Variants in SYNDIG1 observed in about 807,000 individuals in gnomAD.
SYNDIG1 encodes the protein synapse differentiation-inducing gene protein 1.
In SYNDIG1, 9 loss-of-function variants were observed where a neutral mutation model predicts 19.4. The ratio of observed to expected loss-of-function variants is 0.46; its 90% CI spans 0.28 to 0.81. The LOEUF (loss-of-function observed/expected upper bound fraction) is 0.81. Among genes scored for constraint, SYNDIG1 ranks in the 30% least tolerant of loss-of-function variants. The probability of loss-of-function intolerance (pLI) is 0.12; values close to 1 mark genes in which losing one functional copy is unlikely to be tolerated. For missense variants in SYNDIG1, 311 were observed against 343.3 expected, an observed-to-expected ratio of 0.91 and a Z score of 0.74; for synonymous variants, 141 against 145.9, an observed-to-expected ratio of 0.97 and a Z score of 0.24.
chr20:24,591,774 T>A (rs2058515449), intron 3 of SYNDIG1, among the ~76,000 whole-genome samples: 1 of 152,204 alleles, frequency 6.6e-6, no homozygotes, highest in African/African-American at 2.4e-5. Flanking sequence ...CAGGTCATGC[T>A]TCCAAGGGTA....
intron 1 of SYNDIG1, among the ~76,000 whole-genome samples, chr20:24,474,409 C>T (rs748684567): frequency 1.3e-5 from 2 of 151,966 alleles, no homozygotes; most frequent in Admixed American, 6.6e-5. Context: ...ACTGCTAGAA[C>T]CAAAAATAAC....
chr20:24,636,402 G>A (rs2059316508), intron 3 of SYNDIG1, among the ~76,000 whole-genome samples: 1 of 152,198 alleles, frequency 6.6e-6, no homozygotes, highest in African/African-American at 2.4e-5. Context: ...AGAGAGAGGG[G>A]CACCTGAGTG....
chr20:24,541,343 A>G (rs1407178284), intron 1 of SYNDIG1, among the ~76,000 whole-genome samples: 2 of 152,060 alleles, frequency 1.3e-5, no homozygotes, highest in South Asian at 2.1e-4. Context: ...CAACCCCTCA[A>G]TTTTCCCACT....
At chr20:24,523,299 G>T (rs2057045829) in intron 1 of SYNDIG1, among the ~76,000 whole-genome samples, 1 of 152,206 alleles carries the variant, frequency 6.6e-6, no homozygotes, top group African/African-American at 2.4e-5. Context: ...AATTAAACAG[G>T]ATAGTCCTTA....
chr20:24,649,092 A>G lies in SYNDIG1; in HGVS notation c.619-16254A>G, dbSNP rs143097736. On this transcript the variant is annotated intron_variant, in intron 3 of 3. Coordinates refer to ENST00000376862, the MANE Select transcript of SYNDIG1 (RefSeq NM_024893.3). ...CATGAATGCAAAGTTCTGTGAAAGC[A>G]TGGTGCAGGGAAGCATGACCTGAAC... 2.6e-3 allele frequency among the ~76,000 whole-genome samples: 396 copies of G among 152,308 alleles called. 1 individual carries two copies. The highest frequency in any genetic ancestry group is 9.0e-3 in the African/African-American group (374 of 41,578).
intron 1 of SYNDIG1, among the ~76,000 whole-genome samples, chr20:24,520,162 C>A (rs1041556748): frequency 3.3e-5 from 5 of 151,848 alleles, no homozygotes; most frequent in African/African-American, 1.2e-4. Flanking sequence ...ATAGGTAAAT[C>A]TAAATGAATA....
chr20:24,644,337 G>A (rs1355224369), intron 3 of SYNDIG1, among the ~76,000 whole-genome samples: 1 of 152,254 alleles, frequency 6.6e-6, no homozygotes, highest in Non-Finnish European at 1.5e-5. Flanking sequence ...GATGGCCACA[G>A]CATTTCCTAG....
chr20:24,575,806 A>G (rs2058218207), intron 2 of SYNDIG1, among the ~76,000 whole-genome samples: 2 of 152,196 alleles, frequency 1.3e-5, no homozygotes, highest in South Asian at 4.1e-4. Context: ...TTTGAGCATT[A>G]TACATTAATT....
At chr20:24,503,956 G>GA (rs2056521206) in intron 1 of SYNDIG1, among the ~76,000 whole-genome samples, 1 of 125,292 alleles carries the variant, frequency 8.0e-6, no homozygotes. Flanking sequence ...GGGAGAGCAG[G>GA]TTTTTTTTTT....
At chr20:24,626,599 G>A (rs1044806265) in intron 3 of SYNDIG1, among the ~76,000 whole-genome samples, 3 of 151,898 alleles carry the variant, frequency 2.0e-5, no homozygotes, top group Non-Finnish European at 4.4e-5. Flanking sequence ...AGACTGGGCA[G>A]CCAGGCAGAG....
At chr20:24,499,496 A>G (rs2056389053) in intron 1 of SYNDIG1, among the ~76,000 whole-genome samples, 1 of 152,230 alleles carries the variant, frequency 6.6e-6, no homozygotes, top group Non-Finnish European at 1.5e-5. Flanking sequence ...TACCCAGGCA[A>G]GGCTGCACTG....
intron 3 of SYNDIG1, among the ~76,000 whole-genome samples, chr20:24,661,584 AG>A (rs2059603680): frequency 1.3e-5 from 1 of 76,122 alleles, no homozygotes; most frequent in African/African-American, 5.1e-5. Context: ...GGGAGGAGGG[AG>A]ATGGGAATAA....
chr20:24,641,083 C>A (rs2059371648), intron 3 of SYNDIG1, among the ~76,000 whole-genome samples: 1 of 152,238 alleles, frequency 6.6e-6, no homozygotes, highest in Admixed American at 6.5e-5. Context: ...ATATTGATGA[C>A]AGTAGTTTCT....
chr20:24,563,601 A>C (rs2057985859), intron 2 of SYNDIG1, among the ~76,000 whole-genome samples: 2 of 152,034 alleles, frequency 1.3e-5, no homozygotes, highest in Non-Finnish European at 2.9e-5. Flanking sequence ...ATAAACTCCT[A>C]ATTAAATTTA....
At chr20:24,473,906 G>A (rs977077058) in intron 1 of SYNDIG1, among the ~76,000 whole-genome samples, 4 of 152,186 alleles carry the variant, frequency 2.6e-5, no homozygotes, top group Non-Finnish European at 5.9e-5. Flanking sequence ...TCAGAAAAGT[G>A]ACGTGGTTTG....
At chr20:24,583,627 C>G (rs1015075562) in intron 2 of SYNDIG1, among the ~76,000 whole-genome samples, 2 of 152,186 alleles carry the variant, frequency 1.3e-5, no homozygotes, top group Non-Finnish European at 2.9e-5. Context: ...GAATGACAGA[C>G]AGGAGGCACC....
intron 3 of SYNDIG1, among the ~76,000 whole-genome samples, chr20:24,622,637 G>A (rs1010634186): frequency 1.3e-5 from 2 of 152,150 alleles, no homozygotes; most frequent in Non-Finnish European, 2.9e-5. Flanking sequence ...GACCTGAGAT[G>A]GAACAGTTTC....
At chr20:24,630,133 A>G (rs1239713997) in intron 3 of SYNDIG1, among the ~76,000 whole-genome samples, 1 of 152,230 alleles carries the variant, frequency 6.6e-6, no homozygotes, top group East Asian at 1.9e-4. Flanking sequence ...CTGAATAGTT[A>G]ATTCACAAAG....
chr20:24,519,209 G>A (rs1401462976), intron 1 of SYNDIG1, among the ~76,000 whole-genome samples: 1 of 152,164 alleles, frequency 6.6e-6, no homozygotes, highest in Admixed American at 6.5e-5. Context: ...GAGAGTTTAT[G>A]ATGTTAATTA....
Sources: gnomAD v4.1 joint callset for allele counts (sites outside exome capture counted in the v4.1 genomes callset) on GRCh38, gnomAD v4.1.1 for gene constraint, MANE v1.5 for transcripts, NCBI Gene and HGNC (gene_info 2026-07-23, HGNC 2026-07-21) for gene names.